Variants in SLC4A10 observed in about 807,000 individuals in gnomAD.
The protein encoded by SLC4A10 is solute carrier family 4 member 10, also known as sodium-driven chloride bicarbonate exchanger.
In SLC4A10, 42 loss-of-function variants were observed where a neutral mutation model predicts 137.7. The ratio of observed to expected loss-of-function variants is 0.30; its 90% CI spans 0.24 to 0.39. The LOEUF (loss-of-function observed/expected upper bound fraction) is 0.39. Among genes scored for constraint, SLC4A10 ranks in the 10% least tolerant of loss-of-function variants. The pLI is 1.00. For missense variants in SLC4A10, 925 were observed against 1,355.0 expected, an observed-to-expected ratio of 0.68 and a Z score of 4.98; for synonymous variants, 474 against 464.1, an observed-to-expected ratio of 1.02 and a Z score of -0.27.
intron 3 of SLC4A10, among the ~76,000 whole-genome samples, chr2:161,821,909 C>A (rs776148677): frequency 6.6e-6 from 1 of 152,030 alleles, no homozygotes; most frequent in Non-Finnish European, 1.5e-5. Context: ...TACAGGGAAC[C>A]ATACGTTATC....
chr2:161,733,081 G>C (rs534715733), intron 1 of SLC4A10, among the ~76,000 whole-genome samples: 19 of 152,268 alleles, frequency 1.2e-4, no homozygotes, highest in African/African-American at 4.6e-4. Context: ...CTGACATTGA[G>C]ATAGAAAAGA....
In SLC4A10 at chr2:161,847,377, G is replaced by A. The variant is rs576078171; in HGVS notation, c.416+7450G>A. 1.1e-3 allele frequency among the ~76,000 whole-genome samples: 168 copies of A among 151,838 alleles called. No homozygotes were observed. In the South Asian group the frequency reaches 0.02, roughly 18 times the overall value. ...CCAACTTTTATTTTAGGTTCAAGGG[G>A]TATATGTGCAGGGTTGTTTCATGGG... is the stretch of plus-strand genomic sequence containing the variant. On this transcript the variant is annotated intron_variant, in intron 4 of 26. Coordinates refer to ENST00000446997, the MANE Select transcript of SLC4A10 (RefSeq NM_001178015.2).
intron 23 of SLC4A10, among the ~76,000 whole-genome samples, chr2:161,972,158 G>C (rs1698644959): frequency 6.6e-6 from 1 of 151,986 alleles, no homozygotes; most frequent in Non-Finnish European, 1.5e-5. Context: ...CATATACCAG[G>C]CTTCACCTTT....
intron 15 of SLC4A10, among the ~76,000 whole-genome samples, chr2:161,917,042 C>T (rs1220304702): frequency 1.3e-5 from 2 of 152,168 alleles, no homozygotes; most frequent in Non-Finnish European, 2.9e-5. Context: ...TGCAGTCAAT[C>T]TTTCATCCCC....
In SLC4A10 at chr2:161,871,974, G is replaced by C. The variant is rs532413054; in HGVS notation, c.767-319G>C. On this transcript the variant is annotated intron_variant, in intron 6 of 26. Coordinates refer to ENST00000446997, the MANE Select transcript of SLC4A10 (RefSeq NM_001178015.2). ...CTTTTTATATACGCCATTAGTTTTG[G>C]TTGGAATCTAGAAATCAATGATGCT... 9.9e-5 allele frequency among the ~76,000 whole-genome samples: 15 copies of C among 152,106 alleles called. No individual in the cohort carries two copies. The South Asian group carries it at 3.1e-3, about 32-fold the overall frequency.
chr2:161,974,402 C>T (rs1699052509), intron 24 of SLC4A10, 86 bp downstream of exon 24: 1 of 1,014,178 alleles, frequency 9.9e-7, no homozygotes, highest in Non-Finnish European at 1.3e-6. Flanking sequence ...TGTAGATCCT[C>T]AGAGAGGTTT....
intron 15 of SLC4A10, among the ~76,000 whole-genome samples, chr2:161,910,812 TACTG>T (rs978840566): frequency 6.6e-6 from 1 of 152,032 alleles, no homozygotes; most frequent in Non-Finnish European, 1.5e-5. Flanking sequence ...AAATGTTATT[TACTG>T]ACTGACATGC....
Position 161,904,046 on chromosome 2 carries a change from A to C in SLC4A10, c.1485A>C (p.Pro495=). 6.3e-7 allele frequency: 1 copy of C among 1,595,528 alleles called. No individual in the cohort carries two copies. The change falls in exon 13 of 27, where the codon CCA becomes CCC. Residue 495 remains proline (P), a synonymous_variant. Coordinates refer to ENST00000446997, the MANE Select transcript of SLC4A10 (RefSeq NM_001178015.2). ...TTTTAGATATCAAAAGAAAAGCTCCATACTTCTGGAGTGACTTCAGAGATG... is the reference window on the plus strand; with the variant it reads ...TTTTAGATATCAAAAGAAAAGCTCCCTACTTCTGGAGTGACTTCAGAGATG... ...GLILDIKRKA[P]YFWSDFRDAF... is the part of the protein sequence containing the mutation.
chr2:161,831,402 G>A lies in SLC4A10; in HGVS notation c.278-8387G>A, dbSNP rs191257064. On this transcript the variant is annotated intron_variant, in intron 3 of 26. Transcript: ENST00000446997. ...GTTTTAAAAAGTTTAAAACATACCA[G>A]ATGTTTTATTGAACTAACATTGAAT... Among the ~76,000 whole-genome samples, 77 of 152,078 alleles carry A rather than the reference G, an allele frequency of 5.1e-4. No homozygotes were observed. In the East Asian group the frequency reaches 7.3e-3, roughly 14 times the overall value.
At position 161,947,590 on chromosome 2, in the gene SLC4A10, T is replaced by C. The variant is rs746460208; in HGVS notation, c.2128T>C (p.Tyr710His). 18 of 1,612,406 alleles carry C rather than the reference T, an allele frequency of 1.1e-5. No individual in the cohort carries two copies. In the South Asian group the frequency reaches 2.0e-4, roughly 18 times the overall value. Residue 710 changes from tyrosine to histidine, a missense_variant, in exon 17 of 27, where the codon TAT (tyrosine) becomes CAT (histidine). By Grantham distance (83) the Tyr-to-His change is moderately conservative. Transcript: ENST00000446997. ...VSECKSLHGE[Y>H]VGRACGHDHP... is the part of the protein sequence containing the mutation. ...GGAATGCAAATCATTGCATGGAGAG[T>C]ATGTTGGACGGGCCTGTGGCCATGA...
At chr2:161,945,632 G>A (rs576823687) in intron 16 of SLC4A10, among the ~76,000 whole-genome samples, 11 of 151,714 alleles carry the variant, frequency 7.3e-5, no homozygotes, top group Non-Finnish European at 1.6e-4. Context: ...GAGTGCCTCT[G>A]TGTGTGTATT....
chr2:161,974,440 C>T (rs1415605399), intron 24 of SLC4A10, 124 bp downstream of exon 24: 19 of 733,904 alleles, frequency 2.6e-5, no homozygotes, highest in Middle Eastern at 2.9e-4. Context: ...GTAGAAAGAA[C>T]GAAGAGTTAG....
intron 6 of SLC4A10, among the ~76,000 whole-genome samples, chr2:161,868,915 A>G (rs1314545665): frequency 1.3e-5 from 2 of 151,668 alleles, no homozygotes; most frequent in East Asian, 1.9e-4. Context: ...AAAAACAGAA[A>G]TAATTGAACA....
chr2:161,841,061 G>A (rs1404850522), intron 4 of SLC4A10, among the ~76,000 whole-genome samples: 1 of 151,918 alleles, frequency 6.6e-6, no homozygotes, highest in African/African-American at 2.4e-5. Context: ...ATTGACACAG[G>A]TTTAGTGTTT....
intron 1 of SLC4A10, among the ~76,000 whole-genome samples, chr2:161,694,478 A>G (rs1435673766): frequency 6.6e-6 from 1 of 152,024 alleles, no homozygotes; most frequent in Non-Finnish European, 1.5e-5. Context: ...TTGTTAAAAA[A>G]AAAAAAAGGA....
At chr2:161,782,879 G>A (rs2053206333) in intron 2 of SLC4A10, among the ~76,000 whole-genome samples, 1 of 150,842 alleles carries the variant, frequency 6.6e-6, no homozygotes. Flanking sequence ...ATCAATATAT[G>A]CATTATGAGA....
At chr2:161,716,874 T>C (rs2044969759) in intron 1 of SLC4A10, among the ~76,000 whole-genome samples, 1 of 152,166 alleles carries the variant, frequency 6.6e-6, no homozygotes, top group Admixed American at 6.6e-5. Flanking sequence ...ATTGAATCTA[T>C]AAATTACTTT....
chr2:161,705,755 T>G (rs1231917582), intron 1 of SLC4A10, among the ~76,000 whole-genome samples: 1 of 151,546 alleles, frequency 6.6e-6, no homozygotes, highest in Non-Finnish European at 1.5e-5. Context: ...CTGTGAGAAA[T>G]AAATATTTGT....
rs776950452 is a variant in SLC4A10, at chr2:161,879,197, C to T, written c.1015C>T (p.Leu339=). ...AEASNILVGE[L]EFLDRTVVAF... is the part of the protein sequence containing the mutation. ...AGCATCGAACATCTTAGTGGGAGAA[C>T]TGGAGTTCTTGGATCGAACAGTAGT... is the stretch of plus-strand genomic sequence containing the variant. Residue 339 remains leucine, a synonymous_variant, in exon 9 of 27, where the codon CTG becomes TTG. Transcript: ENST00000446997. The T allele has an allele frequency of 7.4e-6, 12 of 1,613,532 alleles. No homozygotes were observed. In the South Asian group the frequency reaches 1.2e-4, roughly 16 times the overall value.
Sources: allele counts gnomAD v4.1 joint callset (sites outside exome capture counted in the v4.1 genomes callset), GRCh38; gene constraint gnomAD v4.1.1; transcripts MANE v1.5; gene names NCBI Gene and HGNC (gene_info 2026-07-23, HGNC 2026-07-21).